Variants in SCAPER observed in about 807,000 individuals in gnomAD.
SCAPER encodes S-phase cyclin A associated protein in the ER, also known as S phase cyclin A-associated protein in the endoplasmic reticulum.
Under a neutral mutation model 182.2 loss-of-function variants are expected in SCAPER, and 98 were observed. That is an observed-to-expected ratio of 0.54 (90% CI 0.46 to 0.64). SCAPER has a LOEUF of 0.64. Among genes scored for constraint, SCAPER ranks in the 30% least tolerant of loss-of-function variants. SCAPER has a pLI of 0.00. For synonymous variants in SCAPER, 605 were observed against 564.6 expected (o/e 1.07, Z -1.01); for missense variants, 1,432 against 1,690.0 (o/e 0.85, Z 2.68).
intron 23 of SCAPER, among the ~76,000 whole-genome samples, chr15:76,522,660 G>A (rs1213978296): frequency 6.6e-6 from 1 of 152,050 alleles, no homozygotes; most frequent in East Asian, 1.9e-4. Context: ...AATGTTGGGG[G>A]ATGGGGACAT....
intron 17 of SCAPER, among the ~76,000 whole-genome samples, chr15:76,720,644 C>T (rs888631759): frequency 2.0e-5 from 3 of 152,160 alleles, no homozygotes; most frequent in African/African-American, 7.2e-5. Flanking sequence ...GATGGTATCT[C>T]ATTGTGGTTT....
chr15:76,876,266 T>C (rs186037654), intron 2 of SCAPER, among the ~76,000 whole-genome samples: 4 of 151,120 alleles, frequency 2.6e-5, no homozygotes, highest in African/African-American at 9.7e-5. Flanking sequence ...CCCCCACAGC[T>C]CAGTGGCGGG....
In SCAPER at chr15:76,621,776, G is replaced by T; in HGVS notation, c.2699C>A (p.Pro900His). Reference protein sequence around the residue: ...METKNSGSDSPYKAKLQRLAK... With the variant: ...METKNSGSDSHYKAKLQRLAK... ...GTGGAATACTCACTTTGCTTTATAA[G>T]GTGAATCAGAGCCAGAATTTTTGGT... The change falls in exon 22 of 32, where the codon CCT becomes CAT. Residue 900 changes from proline to histidine, a missense_variant. Pro to His is a moderately conservative substitution (Grantham distance 77, BLOSUM62 -2). Transcript: ENST00000563290. 1 of 1,607,144 alleles carries T rather than the reference G, an allele frequency of 6.2e-7. No homozygotes were observed. The highest frequency in any genetic ancestry group is 1.1e-5 in the South Asian group (1 of 89,426).
rs747325994 is a variant in SCAPER at position 76,767,094 on chromosome 15, A to C, written c.1249-6T>G. ...GCAAGGACTTCTGCCATGGACTATA[A>C]AGTTAAAAACACATAAACAAAAAGA... is the stretch of plus-strand genomic sequence containing the variant. On this transcript the variant is annotated splice_polypyrimidine_tract_variant and splice_region_variant and intron_variant, in intron 10 of 31. Transcript: ENST00000563290. 39 of 1,565,128 alleles carry C rather than the reference A, an allele frequency of 2.5e-5. 1 individual carries two copies. In the South Asian group the frequency reaches 3.5e-4, roughly 14 times the overall value.
chr15:76,523,905 T>C (rs1597186099), intron 23 of SCAPER, among the ~76,000 whole-genome samples: 1 of 152,204 alleles, frequency 6.6e-6, no homozygotes, highest in Middle Eastern at 3.4e-3. Context: ...ACTTAACCTC[T>C]CCTACCTTAG....
At chr15:76,815,716 C>T (rs938871982) in intron 5 of SCAPER, among the ~76,000 whole-genome samples, 16 of 152,088 alleles carry the variant, frequency 1.1e-4, no homozygotes, top group African/African-American at 3.9e-4. Flanking sequence ...CTATTGTGAG[C>T]GGCACATGTG....
chr15:76,680,399 G>C (rs193066040), intron 20 of SCAPER, among the ~76,000 whole-genome samples: 20 of 117,978 alleles, frequency 1.7e-4, no homozygotes, highest in Admixed American at 3.9e-4. Context: ...GTCATTTCAT[G>C]ATGATGATGA....
chr15:76,864,092 C>T (rs995102272), intron 2 of SCAPER, among the ~76,000 whole-genome samples: 6 of 152,144 alleles, frequency 3.9e-5, no homozygotes, highest in African/African-American at 1.4e-4. Context: ...CCAGTCAACT[C>T]ACAGAATGAG....
At chr15:76,585,050 A>G (rs1252062568) in intron 22 of SCAPER, among the ~76,000 whole-genome samples, 1 of 152,204 alleles carries the variant, frequency 6.6e-6, no homozygotes, top group Non-Finnish European at 1.5e-5. Context: ...CAGAAATAGA[A>G]ACTCTAAAAT....
chr15:76,490,151 G>A (rs1181462105), intron 24 of SCAPER, among the ~76,000 whole-genome samples: 1 of 152,120 alleles, frequency 6.6e-6, no homozygotes, highest in Non-Finnish European at 1.5e-5. Flanking sequence ...AATTCTTTTG[G>A]ATAAATAACC....
intron 29 of SCAPER, among the ~76,000 whole-genome samples, chr15:76,364,944 C>G (rs2041707458): frequency 6.6e-6 from 1 of 152,100 alleles, no homozygotes; most frequent in Non-Finnish European, 1.5e-5. Context: ...AGCTTGCAGT[C>G]CCCTGAACCT....
intron 1 of SCAPER, among the ~76,000 whole-genome samples, chr15:76,893,464 T>C (rs1595935236): frequency 6.6e-6 from 1 of 151,786 alleles, no homozygotes; most frequent in Non-Finnish European, 1.5e-5. Flanking sequence ...AATACATTAA[T>C]AGCAGGGGAC....
intron 17 of SCAPER, among the ~76,000 whole-genome samples, chr15:76,719,488 G>T (rs532628490): frequency 6.6e-6 from 1 of 152,072 alleles, no homozygotes; most frequent in Non-Finnish European, 1.5e-5. Flanking sequence ...CAACAGGAGG[G>T]CTATAGGTAA....
chr15:76,507,126 G>A (rs929893153), intron 23 of SCAPER, among the ~76,000 whole-genome samples: 6 of 152,116 alleles, frequency 3.9e-5, no homozygotes, highest in Non-Finnish European at 8.8e-5. Context: ...AACTGTATTT[G>A]AAGAGAAGAT....
chr15:76,453,035 T>C (rs924555192), intron 25 of SCAPER, among the ~76,000 whole-genome samples: 3 of 152,168 alleles, frequency 2.0e-5, no homozygotes, highest in African/African-American at 4.8e-5. Flanking sequence ...GGTCTTGCTA[T>C]GTTGCCCAGG....
At chr15:76,379,771 A>G (rs1398384323) in intron 28 of SCAPER, 1 of 151,934 alleles carries the variant, frequency 6.6e-6, no homozygotes, top group East Asian at 1.9e-4. Flanking sequence ...TTTAGGCTTA[A>G]AGGCACTAGG....
At chr15:76,675,546 T>TGCA (rs1243622200) in intron 20 of SCAPER, among the ~76,000 whole-genome samples, 1 of 152,206 alleles carries the variant, frequency 6.6e-6, no homozygotes, top group African/African-American at 2.4e-5. Flanking sequence ...TACAGAATGA[T>TGCA]GCAGAAGCTG....
Position 76,673,163 on chromosome 15 carries a change from C to A in SCAPER, c.2509-7374G>T, listed in dbSNP as rs115330992. 2.7e-3 allele frequency among the ~76,000 whole-genome samples: 403 copies of A among 151,940 alleles called. 1 individual carries two copies. The highest frequency in any genetic ancestry group is 9.4e-3 in the African/African-American group (390 of 41,450). ...AAATTATTATCAACATTTTCAAAACCTAGAGAATATTATTATCACAAACCT... is the reference window on the plus strand; with the variant it reads ...AAATTATTATCAACATTTTCAAAACATAGAGAATATTATTATCACAAACCT... On this transcript the variant is annotated intron_variant, in intron 20 of 31. Transcript: ENST00000563290.
chr15:76,488,714 C>CTTTTTTTTTTTT lies in SCAPER; in HGVS notation c.2954+16133_2954+16144dup, dbSNP rs71143333. On this transcript the variant is annotated intron_variant, in intron 24 of 31. Coordinates refer to ENST00000563290, the MANE Select transcript of SCAPER (RefSeq NM_020843.4). ...TTGCATCCTGATAACAGTACACTGC[C>CTTTTTTTTTTTT]TTTTTTTTTTTTTTTTTTTTTTTTT... Among the ~76,000 whole-genome samples, 429 of 93,026 alleles carry CTTTTTTTTTTTT rather than the reference C, an allele frequency of 4.6e-3. 45 individuals carry two copies. The highest frequency in any genetic ancestry group is 9.9e-3 in the African/African-American group (207 of 20,908). 61.0% of individuals were successfully genotyped at this position (93,026 alleles called of 152,430 possible). A position where few individuals can be genotyped will look rare whatever the true frequency, so the allele number is the denominator to read the frequency against.
Sources: gnomAD v4.1 joint callset for allele counts (sites outside exome capture counted in the v4.1 genomes callset) on GRCh38, gnomAD v4.1.1 for gene constraint, MANE v1.5 for transcripts, NCBI Gene and HGNC (gene_info 2026-07-23, HGNC 2026-07-21) for gene names.